The following UTRN variants were observed in gnomAD, a reference collection of about 807,000 sequenced individuals.
UTRN encodes the protein utrophin.
In UTRN, 283 loss-of-function variants were observed where a neutral mutation model predicts 463.9. The ratio of observed to expected loss-of-function variants is 0.61; its 90% CI spans 0.55 to 0.67. The LOEUF (loss-of-function observed/expected upper bound fraction) is 0.67. Ranked by LOEUF, UTRN falls within the 30% of genes least tolerant of loss-of-function variation. The probability of loss-of-function intolerance (pLI) is 0.00; values close to 1 mark genes in which losing one functional copy is unlikely to be tolerated. For missense variants in UTRN, 3,922 were observed against 4,084.3 expected, an observed-to-expected ratio of 0.96 and a Z score of 1.08; for synonymous variants, 1,442 against 1,431.5, an observed-to-expected ratio of 1.01 and a Z score of -0.17.
At chr6:144,736,651 A>G (rs1334314558) in intron 54 of UTRN, among the ~76,000 whole-genome samples, 1 of 152,234 alleles carries the variant, frequency 6.6e-6, no homozygotes, top group Non-Finnish European at 1.5e-5. Flanking sequence ...AACCTAAAGC[A>G]CAAACCTGGC....
chr6:144,700,465 C>CT (rs1445345857), intron 53 of UTRN, among the ~76,000 whole-genome samples: 5 of 151,900 alleles, frequency 3.3e-5, no homozygotes, highest in African/African-American at 1.2e-4. Flanking sequence ...CTACCAGTAT[C>CT]TGAAGTATAA....
At chr6:144,559,530 G>A (rs1055215796) in intron 50 of UTRN, among the ~76,000 whole-genome samples, 3 of 151,958 alleles carry the variant, frequency 2.0e-5, no homozygotes, top group Non-Finnish European at 4.4e-5. Flanking sequence ...ATCTTTCTTT[G>A]CCTTCTTAAA....
At chr6:144,355,527 CATT>C (rs1376509222) in intron 2 of UTRN, among the ~76,000 whole-genome samples, 1 of 152,134 alleles carries the variant, frequency 6.6e-6, no homozygotes, top group East Asian at 1.9e-4. Flanking sequence ...TGTAAATCAA[CATT>C]ATGTGAAACC....
intron 54 of UTRN, among the ~76,000 whole-genome samples, chr6:144,745,658 G>C (rs1790653074): frequency 6.6e-6 from 1 of 152,194 alleles, no homozygotes; most frequent in African/African-American, 2.4e-5. Context: ...AAAAACGTCA[G>C]AGGCAGCAGA....
chr6:144,403,193 G>C lies in UTRN; in HGVS notation c.141+9G>C. On this transcript the variant is annotated intron_variant, in intron 3 of 74. Coordinates refer to ENST00000367545, the MANE Select transcript of UTRN (RefSeq NM_007124.3). ...ATGCTCGATTTTCAAAGGTAACTGA[G>C]ACTTTCAAAAACTTCGATGGTTCAG... 6.2e-7 allele frequency: 1 copy of C among 1,612,108 alleles called. No homozygotes were observed. The highest frequency in any genetic ancestry group is 8.5e-7 in the Non-Finnish European group (1 of 1,178,842).
intron 71 of UTRN, 26 bp downstream of exon 71, chr6:144,836,567 C>G: frequency 6.2e-7 from 1 of 1,610,770 alleles, no homozygotes; most frequent in Middle Eastern, 2.1e-4. Flanking sequence ...TTCAGCGTCA[C>G]ACCTCCCCAG....
intron 58 of UTRN, among the ~76,000 whole-genome samples, chr6:144,761,923 G>A (rs1051579170): frequency 2.0e-5 from 3 of 152,098 alleles, no homozygotes; most frequent in African/African-American, 7.2e-5. Flanking sequence ...TTCTCAGTTT[G>A]CCACAGAAAT....
intron 30 of UTRN, among the ~76,000 whole-genome samples, chr6:144,489,312 A>G (rs940424093): frequency 2.6e-5 from 4 of 151,918 alleles, no homozygotes; most frequent in East Asian, 1.9e-4. Flanking sequence ...CGGCCTCCCA[A>G]TAATTTTTGT....
intron 54 of UTRN, among the ~76,000 whole-genome samples, chr6:144,731,926 ATC>A (rs1220117235): frequency 4.0e-5 from 6 of 151,752 alleles, no homozygotes; most frequent in African/African-American, 1.5e-4. Context: ...TAGTGGTGCG[ATC>A]TCGGCTCACT....
At chr6:144,813,146 T>TTTG (rs1562941163) in intron 65 of UTRN, among the ~76,000 whole-genome samples, 1 of 151,796 alleles carries the variant, frequency 6.6e-6, no homozygotes, top group Non-Finnish European at 1.5e-5. Flanking sequence ...TCAGAGTTTT[T>TTTG]TTGTTGTTGT....
intron 58 of UTRN, among the ~76,000 whole-genome samples, chr6:144,769,147 A>G (rs2128731688): frequency 6.6e-6 from 1 of 151,954 alleles, no homozygotes; most frequent in South Asian, 2.1e-4. Context: ...GGAAAATGCT[A>G]CTTTTATTCT....
intron 53 of UTRN, among the ~76,000 whole-genome samples, chr6:144,721,279 A>G (rs921890805): frequency 6.6e-6 from 1 of 152,180 alleles, no homozygotes; most frequent in African/African-American, 2.4e-5. Context: ...TGGCACCATC[A>G]TAGCTCACTG....
intron 2 of UTRN, among the ~76,000 whole-genome samples, chr6:144,296,129 G>T (rs1175726741): frequency 6.6e-6 from 1 of 152,080 alleles, no homozygotes; most frequent in Non-Finnish European, 1.5e-5. Flanking sequence ...CTAGAACAGG[G>T]CTCCCCAACT....
intron 25 of UTRN, among the ~76,000 whole-genome samples, chr6:144,477,904 TATCTATCCATCC>T (rs1049522151): frequency 1.3e-5 from 2 of 151,758 alleles, no homozygotes; most frequent in Non-Finnish European, 2.9e-5. Context: ...TCTATCTATC[TATCTATCCATCC>T]ATCCACATAC....
chr6:144,839,530 T>C (rs1032768723), intron 72 of UTRN, among the ~76,000 whole-genome samples: 2 of 152,228 alleles, frequency 1.3e-5, no homozygotes, highest in Admixed American at 1.3e-4. Context: ...TGAAAAAGCC[T>C]CCTCTGCCCT....
At position 144,836,400 on chromosome 6, in the gene UTRN, G is replaced by A. The variant is rs111543197; in HGVS notation, c.9924G>A (p.Thr3308=). 9.4e-4 allele frequency: 1,310 copies of A among 1,393,578 alleles called. 12 individuals are homozygous for A. The African/African-American group carries it at 0.016, about 17-fold the overall frequency. 86.3% of individuals were successfully genotyped at this position (1,393,578 alleles called of 1,614,324 possible). Residue 3308 remains threonine (T), a synonymous_variant, in exon 71 of 75, where the codon ACG becomes ACA. Transcript: ENST00000367545. ...AGTCGATTATATCTCCCCATCACAC[G>A]TCTGAGGATTCAGAACTTATAGCAG... ...PPESIISPHH[T]SEDSELIAEA...
In UTRN at chr6:144,352,547, A is replaced by G. The variant is rs987949891; in HGVS notation, c.80-50576A>G. ...TGTCATATCTGTCTGCCTCCCTCCT[A>G]TGCATTTCTCCTGCTGTTGCAAGGA... On this transcript the variant is annotated intron_variant, in intron 2 of 74. Transcript: ENST00000367545. Among the ~76,000 whole-genome samples, 9 of 152,098 alleles carry G rather than the reference A, an allele frequency of 5.9e-5. No homozygotes were observed. The East Asian group carries it at 1.5e-3, about 26-fold the overall frequency.
chr6:144,668,843 C>CTAT (rs1474245108), intron 51 of UTRN, among the ~76,000 whole-genome samples: 2 of 152,120 alleles, frequency 1.3e-5, no homozygotes, highest in Non-Finnish European at 2.9e-5. Context: ...ATAGCAGAGT[C>CTAT]TTATAAAGAA....
At position 144,298,092 on chromosome 6, in the gene UTRN, G is replaced by A. The variant is rs555965563; in HGVS notation, c.79+6185G>A. ...GGAGAAAGGGTACTCTGCTGAAGTG[G>A]TTTCAGATGCATTGGCTGGATTTTT... On this transcript the variant is annotated intron_variant, in intron 2 of 74. Coordinates refer to ENST00000367545, the MANE Select transcript of UTRN (RefSeq NM_007124.3). 2.0e-5 allele frequency among the ~76,000 whole-genome samples: 3 copies of A among 151,538 alleles called. No individual in the cohort carries two copies. In the South Asian group the frequency reaches 6.2e-4, roughly 32 times the overall value.
Sources: allele counts gnomAD v4.1 joint callset (sites outside exome capture counted in the v4.1 genomes callset), GRCh38; gene constraint gnomAD v4.1.1; transcripts MANE v1.5; gene names NCBI Gene and HGNC (gene_info 2026-07-23, HGNC 2026-07-21).